Variants in COL5A2 observed in about 807,000 individuals in gnomAD.
COL5A2 encodes collagen type V alpha 2 chain, also known as collagen alpha-2(V) chain.
In COL5A2, 23 loss-of-function variants were observed where a neutral mutation model predicts 208.2. That is an observed-to-expected ratio of 0.11 (90% CI 0.08 to 0.16). The LOEUF (loss-of-function observed/expected upper bound fraction) is 0.16, where lower values mean the gene tolerates loss of function less well. Among genes scored for constraint, COL5A2 ranks in the 10% least tolerant of loss-of-function variants. COL5A2 has a pLI of 1.00. For missense variants in COL5A2, 1,590 were observed against 1,956.4 expected, an observed-to-expected ratio of 0.81 and a Z score of 3.53; for synonymous variants, 625 against 628.5, an observed-to-expected ratio of 0.99 and a Z score of 0.08.
the COL5A2 span, among the ~76,000 whole-genome samples, chr2:189,346,803 G>T: frequency 6.6e-6 from 1 of 152,132 alleles, no homozygotes; most frequent in Non-Finnish European, 1.5e-5. Context: ...GATAACAGGA[G>T]GAGGAGCCAC....
At chr2:189,206,935 A>G (rs549642106) in intron 1 of COL5A2, among the ~76,000 whole-genome samples, 1 of 152,336 alleles carries the variant, frequency 6.6e-6, no homozygotes, top group South Asian at 2.1e-4. Context: ...CCTAAATTAA[A>G]ATTGTTTTAT....
intron 1 of COL5A2, among the ~76,000 whole-genome samples, chr2:189,191,159 C>CAAAAAAAAAAAAAAAAAAAAAAA (rs1688920072): frequency 5.2e-5 from 1 of 19,062 alleles, no homozygotes; most frequent in Admixed American, 6.8e-4. Flanking sequence ...AAACAAAAAA[C>CAAAAAAAAAAAAAAAAAAAAAAA]AAACAAACAA....
At chr2:189,178,532 T>G (rs1215939555) in intron 1 of COL5A2, among the ~76,000 whole-genome samples, 2 of 152,006 alleles carry the variant, frequency 1.3e-5, no homozygotes, top group Non-Finnish European at 2.9e-5. Context: ...AAGGAGTACA[T>G]GTCTGTATTT....
the COL5A2 span, among the ~76,000 whole-genome samples, chr2:189,235,015 C>T: frequency 6.6e-6 from 1 of 151,566 alleles, no homozygotes. Context: ...TGAGATATTA[C>T]ATTCTTTATT....
chr2:189,117,121 T>G (rs866007177), intron 1 of COL5A2, among the ~76,000 whole-genome samples: 7 of 152,046 alleles, frequency 4.6e-5, no homozygotes, highest in Non-Finnish European at 8.8e-5. Flanking sequence ...TATACTTAAG[T>G]TTTTTTCCAT....
At chr2:189,136,030 G>A (rs1687820225) in intron 1 of COL5A2, among the ~76,000 whole-genome samples, 1 of 152,204 alleles carries the variant, frequency 6.6e-6, no homozygotes, top group African/African-American at 2.4e-5. Flanking sequence ...GATGGGCTAT[G>A]TTCAGGGAGG....
chr2:189,100,217 A>C (rs1283142609), intron 3 of COL5A2, 78 bp from the exon 4 acceptor site: 1 of 1,098,110 alleles, frequency 9.1e-7, no homozygotes, highest in African/African-American at 1.5e-5. Context: ...TCACCCTAGA[A>C]TATGCCATGT....
chr2:189,052,996 A>G lies in COL5A2; in HGVS notation c.2576T>C (p.Val859Ala), dbSNP rs1326229377. ...TCCTGGCTCTCCAGGTTCACCTTTT[A>G]CTCCAGGCTGTCCGTCAGGACCCTA... is the stretch of plus-strand genomic sequence containing the variant. ...GPQGPDGQPGVKGEPGEPGQK... is the reference protein window; with the variant it reads ...GPQGPDGQPGAKGEPGEPGQK... Residue 859 changes from valine (V) to alanine (A), a missense_variant, in exon 39 of 54, where the codon GTA (valine) becomes GCA (alanine). Transcript: ENST00000374866. 1.9e-6 allele frequency: 3 copies of G among 1,613,980 alleles called. No individual in the cohort carries two copies. Among genetic ancestry groups the G allele is most frequent in the Non-Finnish European group, 1.7e-6 (2 of 1,179,942 alleles).
In COL5A2 at chr2:189,088,710, T is replaced by C. The variant is rs1231793375; in HGVS notation, c.630A>G (p.Leu210=). The change falls in exon 8 of 54, where the codon CTA becomes CTG. Residue 210 remains leucine (L), a synonymous_variant. Transcript: ENST00000374866. ...EKSGLGSQVG[L]MPGSVGPVGP... is the part of the protein sequence containing the mutation. ...TTATGCTTACCACAGAGCCAGGCAT[T>C]AGTCCTACTTGACTCCCAAGTCCAG... 7 of 1,613,786 alleles carry C rather than the reference T, an allele frequency of 4.3e-6. No homozygotes were observed. The highest frequency in any genetic ancestry group is 5.9e-6 in the Non-Finnish European group (7 of 1,179,826).
chr2:189,410,382 C>A, the COL5A2 span, among the ~76,000 whole-genome samples: 3 of 151,914 alleles, frequency 2.0e-5, no homozygotes, highest in Non-Finnish European at 4.4e-5. Context: ...CCAGCCTGAC[C>A]AAGACCCCCA....
At chr2:189,137,345 C>G (rs1441272165) in intron 1 of COL5A2, among the ~76,000 whole-genome samples, 1 of 152,130 alleles carries the variant, frequency 6.6e-6, no homozygotes, top group Admixed American at 6.5e-5. Context: ...ACGCCTAAAT[C>G]CAAATTCTGT....
chr2:189,281,530 T>G, the COL5A2 span, among the ~76,000 whole-genome samples: 2 of 152,188 alleles, frequency 1.3e-5, no homozygotes, highest in South Asian at 2.1e-4. Flanking sequence ...AAAAGAAGAA[T>G]AATATGGCAG....
At chr2:189,230,153 C>T (rs1430392369), upstream of COL5A2, among the ~76,000 whole-genome samples, 2 of 151,704 alleles carry the variant, frequency 1.3e-5, no homozygotes, top group African/African-American at 4.8e-5. Context: ...TGAAATTGGA[C>T]CTTTATCTAA....
At chr2:189,059,604 T>TTTTTTTTTTTTTTTTTTTTTTTTTG in intron 31 of COL5A2, among the ~76,000 whole-genome samples, 1 of 116,816 alleles carries the variant, frequency 8.6e-6, no homozygotes, top group Non-Finnish European at 1.8e-5. Flanking sequence ...TTTTTTTTTT[T>TTTTTTTTTTTTTTTTTTTTTTTTTG]TTTTTTTGAG....
Position 189,100,234 on chromosome 2 carries a change from A to T in COL5A2, c.337-95T>A, listed in dbSNP as rs903891858. ...ACCCTAGAATATGCCATGTAAACAC[A>T]GGGAATTTCTATGTAAGAAATGCAA... On this transcript the variant is annotated intron_variant, in intron 3 of 53. Transcript: ENST00000374866. 4.2e-6 allele frequency: 4 copies of T among 942,772 alleles called. No individual in the cohort carries two copies. In the African/African-American group the frequency reaches 6.6e-5, roughly 16 times the overall value. 58.4% of individuals were successfully genotyped at this position (942,772 alleles called of 1,614,324 possible).
chr2:189,071,814 A>G (rs1686281321), intron 18 of COL5A2, among the ~76,000 whole-genome samples: 4 of 152,276 alleles, frequency 2.6e-5, no homozygotes, highest in Admixed American at 2.6e-4. Context: ...CTTTGATATT[A>G]TAAGGGTACA....
the COL5A2 span, among the ~76,000 whole-genome samples, chr2:189,389,800 C>T: frequency 6.6e-6 from 1 of 152,142 alleles, no homozygotes. Context: ...CCAATATAAA[C>T]TGAAGATCAC....
At chr2:189,064,980 T>A (rs758469094) in intron 24 of COL5A2, 24 bp downstream of exon 24, 4 of 1,612,672 alleles carry the variant, frequency 2.5e-6, no homozygotes, top group African/African-American at 1.3e-5. Flanking sequence ...CACGTAAGTA[T>A]CAACATTGAC....
the COL5A2 span, among the ~76,000 whole-genome samples, chr2:189,337,308 A>G: frequency 6.8e-6 from 1 of 147,836 alleles, no homozygotes; most frequent in Non-Finnish European, 1.5e-5. Context: ...TCAGCCTCCC[A>G]AGTAGCTGGG....
Sources: gnomAD v4.1 joint callset for allele counts (sites outside exome capture counted in the v4.1 genomes callset) on GRCh38, gnomAD v4.1.1 for gene constraint, MANE v1.5 for transcripts, NCBI Gene and HGNC (gene_info 2026-07-23, HGNC 2026-07-21) for gene names.